TMEM132E: variants seen among roughly 807,000 people sequenced by gnomAD.
TMEM132E encodes the protein transmembrane protein 132E.
A neutral mutation model predicts 78.5 loss-of-function variants in TMEM132E; 49 were observed. That is an observed-to-expected ratio of 0.62 (90% CI 0.50 to 0.79). TMEM132E has a LOEUF of 0.79. Among genes scored for constraint, TMEM132E ranks in the 30% least tolerant of loss-of-function variants. The probability of loss-of-function intolerance (pLI) is 0.00; values close to 1 mark genes in which losing one functional copy is unlikely to be tolerated. For synonymous variants in TMEM132E, 715 were observed against 670.6 expected (o/e 1.07, Z -1.02); for missense variants, 1,403 against 1,470.9 (o/e 0.95, Z 0.75).
intron 1 of TMEM132E, among the ~76,000 whole-genome samples, 197 bp from the exon 2 acceptor site, chr17:34,625,930 G>T (rs1907100921): frequency 6.6e-6 from 1 of 152,218 alleles, no homozygotes; most frequent in Non-Finnish European, 1.5e-5. Context: ...CAAAGGGGGT[G>T]CCAGGCTTGG....
intron 1 of TMEM132E, among the ~76,000 whole-genome samples, chr17:34,596,869 A>G (rs954043548): frequency 6.6e-6 from 1 of 151,196 alleles, no homozygotes; most frequent in African/African-American, 2.4e-5. Context: ...AAAAAAAAAA[A>G]AAAAAAGGAA....
intron 1 of TMEM132E, 91 bp downstream of exon 1, chr17:34,581,234 C>T (rs1353652348): frequency 1.7e-6 from 2 of 1,180,826 alleles, no homozygotes; most frequent in Non-Finnish European, 2.2e-6. Context: ...CACCCACACC[C>T]CCTGGACTCG....
In TMEM132E at chr17:34,580,869, C is replaced by A. The variant is rs1417986309; in HGVS notation, c.-208C>A. The A allele has an allele frequency of 2.1e-6, 1 of 465,592 alleles. No homozygotes were observed. The highest frequency in any genetic ancestry group is 2.1e-5 in the African/African-American group (1 of 48,710). The allele number at this position is 465,592 out of a possible 1,614,324, so 28.8% of individuals were successfully genotyped here. On this transcript the variant is annotated 5_prime_UTR_variant, in exon 1 of 9. Coordinates refer to ENST00000631683, the MANE Select transcript of TMEM132E (RefSeq NM_001304438.2). ...GAGGCTCCTCCCGCCCGGAGCTGCG[C>A]CCCCACCGGCTCCGAGGGTGTAGCC...
intron 1 of TMEM132E, among the ~76,000 whole-genome samples, chr17:34,621,219 G>A (rs1427479413): frequency 2.0e-5 from 3 of 152,170 alleles, no homozygotes; most frequent in African/African-American, 7.2e-5. Context: ...AGGCTGGGTG[G>A]CTTAACAGAA....
At position 34,628,723 on chromosome 17, in the gene TMEM132E, G is replaced by T. The variant is rs1230057038; in HGVS notation, c.1145+14G>T. ...CCTGCCCCCCAGGTGAGCCCGAGGT[G>T]GTGCATCTACCCACCTCTTCGCAAA... On this transcript the variant is annotated intron_variant, in intron 3 of 8. Coordinates refer to ENST00000631683, the MANE Select transcript of TMEM132E (RefSeq NM_001304438.2). 6.4e-7 allele frequency: 1 copy of T among 1,573,814 alleles called. No individual in the cohort carries two copies. Among genetic ancestry groups the T allele is most frequent in the Admixed American group, 1.9e-5 (1 of 53,016 alleles).
At position 34,638,912 on chromosome 17, in the gene TMEM132E, G is replaced by A. The variant is rs970750058; in HGVS notation, c.*680G>A. 5.2e-5 allele frequency: 8 copies of A among 152,480 alleles called. No individual in the cohort carries two copies. Among genetic ancestry groups the A allele is most frequent in the Admixed American group, 2.6e-4 (4 of 15,272 alleles). The allele number at this position is 152,480 out of a possible 1,614,324, so 9.4% of individuals were successfully genotyped here. A position where few individuals can be genotyped will look rare whatever the true frequency, so the allele number is the denominator to read the frequency against. On this transcript the variant is annotated 3_prime_UTR_variant, in exon 9 of 9. Transcript: ENST00000631683. The stretch of plus-strand genomic sequence containing the variant: ...CTCCCACCTCTGCCCCAAGGGCTTT[G>A]GGCAGGGACCTAAAGGGGAAAGAGT...
intron 1 of TMEM132E, among the ~76,000 whole-genome samples, chr17:34,619,001 G>A (rs1427491870): frequency 1.3e-5 from 2 of 152,160 alleles, no homozygotes; most frequent in Non-Finnish European, 2.9e-5. Context: ...CAGGTCTCCT[G>A]GGTTGGGGGT....
chr17:34,630,019 C>A lies in TMEM132E; in HGVS notation c.1350C>A (p.Ile450=). 6.2e-7 allele frequency: 1 copy of A among 1,610,274 alleles called. No homozygotes were observed. Among genetic ancestry groups the A allele is most frequent in the Non-Finnish European group, 8.5e-7 (1 of 1,177,018 alleles). The change falls in exon 5 of 9, where the codon ATC becomes ATA. Residue 450 remains isoleucine, a synonymous_variant. Transcript: ENST00000631683. Reference sequence around the variant, plus strand: ...TCTCCTCCCTGCAGGACACAGAGATCATCAACACGGCCATTCTGACTGGCC... The same window carrying A: ...TCTCCTCCCTGCAGGACACAGAGATAATCAACACGGCCATTCTGACTGGCC... ...AILPLAMDTE[I]INTAILTGRT...
Position 34,637,628 on chromosome 17 carries a change from C to T in TMEM132E, c.2621C>T (p.Pro874Leu). The change falls in exon 9 of 9, where the codon CCC becomes CTC. Residue 874 changes from proline (P) to leucine (L), a missense_variant. Physicochemically the swap from Pro to Leu is moderately conservative, Grantham distance 98. This residue lies in a region of TMEM132E where 888 missense variants were observed against 952.8 expected (regional missense o/e 0.93). Coordinates refer to ENST00000631683, the MANE Select transcript of TMEM132E (RefSeq NM_001304438.2). ...CCCACAGAAGACTTCCTGCCGCTGCCCACCGGCTTCCTGCAGGTGCCACGG... is the reference window on the plus strand; with the variant it reads ...CCCACAGAAGACTTCCTGCCGCTGCTCACCGGCTTCCTGCAGGTGCCACGG... ...VPPTEDFLPL[P>L]TGFLQVPRGL... The T allele has an allele frequency of 6.2e-7, 1 of 1,604,780 alleles. No homozygotes were observed. Among genetic ancestry groups the T allele is most frequent in the East Asian group, 2.2e-5 (1 of 44,840 alleles).
intron 1 of TMEM132E, among the ~76,000 whole-genome samples, chr17:34,623,502 C>T (rs1157233972): frequency 6.6e-6 from 1 of 152,124 alleles, no homozygotes; most frequent in Non-Finnish European, 1.5e-5. Flanking sequence ...AGCGTGGGGC[C>T]CCACCTTGGC....
chr17:34,605,392 G>C (rs750863238), intron 1 of TMEM132E, among the ~76,000 whole-genome samples: 2 of 152,102 alleles, frequency 1.3e-5, no homozygotes, highest in Non-Finnish European at 2.9e-5. Flanking sequence ...CCCCTTCCAG[G>C]CTAGCTTCTA....
Position 34,638,256 on chromosome 17 carries a change from AC to A in TMEM132E, c.*35del, listed in dbSNP as rs746915644. 84,794 of 1,050,530 alleles carry A rather than the reference AC, an allele frequency of 0.081. 6 individuals carry two copies. Among genetic ancestry groups the A allele is most frequent in the Non-Finnish European group, 0.089 (69,193 of 781,072 alleles). 65.1% of individuals were successfully genotyped at this position (1,050,530 alleles called of 1,614,324 possible). A position where few individuals can be genotyped will look rare whatever the true frequency, so the allele number is the denominator to read the frequency against. On this transcript the variant is annotated 3_prime_UTR_variant, in exon 9 of 9. Transcript: ENST00000631683. The stretch of plus-strand genomic sequence containing the variant: ...AGAGGCGCCAGCCGGAGTAGCAGGG[AC>A]CCCCCCCCCCAACGGGGTCAGCTCG...
At chr17:34,600,426 AGTGTGTGTGTGT>A (rs3220449) in intron 1 of TMEM132E, among the ~76,000 whole-genome samples, 15 of 144,038 alleles carry the variant, frequency 1.0e-4, no homozygotes, top group Non-Finnish European at 1.5e-4. Context: ...AGCGTATATG[AGTGTGTGTGTGT>A]GTGTGTGTGT....
intron 4 of TMEM132E, 21 bp downstream of exon 4, chr17:34,629,225 C>T: frequency 2.5e-6 from 4 of 1,611,336 alleles, no homozygotes; most frequent in Non-Finnish European, 3.4e-6. Flanking sequence ...AGGTGACCAG[C>T]CCAGAAGATG....
chr17:34,601,476 T>G (rs1268185806), intron 1 of TMEM132E, among the ~76,000 whole-genome samples: 1 of 152,194 alleles, frequency 6.6e-6, no homozygotes, highest in African/African-American at 2.4e-5. Context: ...AGGCTGTCTT[T>G]GTCCCCAAAG....
At chr17:34,615,404 G>C (rs930831711) in intron 1 of TMEM132E, among the ~76,000 whole-genome samples, 6 of 152,164 alleles carry the variant, frequency 3.9e-5, no homozygotes, top group African/African-American at 1.4e-4. Context: ...GTCACACTGA[G>C]CAGCAGGCTT....
chr17:34,593,619 C>A (rs1412969444), intron 1 of TMEM132E, among the ~76,000 whole-genome samples: 1 of 152,260 alleles, frequency 6.6e-6, no homozygotes, highest in Non-Finnish European at 1.5e-5. Context: ...CTCAGCCCTT[C>A]CTCAGCTCTG....
In TMEM132E at chr17:34,632,870, A is replaced by G; in HGVS notation, c.1649A>G (p.Gln550Arg). 1 of 1,614,184 alleles carries G rather than the reference A, an allele frequency of 6.2e-7. No individual in the cohort carries two copies. Among genetic ancestry groups the G allele is most frequent in the South Asian group, 1.1e-5 (1 of 91,080 alleles). Residue 550 changes from glutamine (Q) to arginine (R), a missense_variant, in exon 6 of 9, where the codon CAA (glutamine) becomes CGA (arginine). By Grantham distance (43) the Gln-to-Arg change is conservative (BLOSUM62 1). Around this residue, in one of 3 missense-constraint regions of TMEM132E, gnomAD observed 888 missense variants for 952.8 expected, o/e 0.93. Coordinates refer to ENST00000631683, the MANE Select transcript of TMEM132E (RefSeq NM_001304438.2). ...HIELSDARLS[Q>R]VKGWRVPILP... ...GAGCTCTCAGATGCCCGCCTCAGCCAAGTGAAGGGCTGGAGGGTACCTATC... is the reference window on the plus strand; with the variant it reads ...GAGCTCTCAGATGCCCGCCTCAGCCGAGTGAAGGGCTGGAGGGTACCTATC...
intron 1 of TMEM132E, among the ~76,000 whole-genome samples, chr17:34,597,747 T>C (rs889498356): frequency 6.6e-6 from 1 of 152,190 alleles, no homozygotes; most frequent in Non-Finnish European, 1.5e-5. Context: ...CCAGCTCTGG[T>C]GCTTCCCATG....
Sources: gnomAD v4.1 joint callset for allele counts (sites outside exome capture counted in the v4.1 genomes callset) on GRCh38, gnomAD v4.1.1 for gene constraint, gnomAD v4.1.1 regional missense constraint, MANE v1.5 for transcripts, NCBI Gene and HGNC (gene_info 2026-07-23, HGNC 2026-07-21) for gene names.